Variants in KCNIP3 observed in about 807,000 individuals in gnomAD.
The protein encoded by KCNIP3 is potassium voltage-gated channel interacting protein 3, also known as calsenilin.
Under a neutral mutation model 35.0 loss-of-function variants are expected in KCNIP3, and 28 were observed. That is an observed-to-expected ratio of 0.80 (90% CI 0.59 to 1.10). The LOEUF is 1.10. KCNIP3 is among the 50% of genes least tolerant of loss of function. KCNIP3 has a pLI of 0.00. For synonymous variants in KCNIP3, 134 were observed against 133.8 expected, an observed-to-expected ratio of 1.00 and a Z score of -0.01; for missense variants, 295 against 338.4, an observed-to-expected ratio of 0.87 and a Z score of 1.01.
At chr2:95,363,066 T>A (rs1190354778) in intron 2 of KCNIP3, among the ~76,000 whole-genome samples, 1 of 152,222 alleles carries the variant, frequency 6.6e-6, no homozygotes, top group Non-Finnish European at 1.5e-5. Flanking sequence ...CTACGCTATC[T>A]TCTTCTATTC....
chr2:95,302,184 C>G (rs1349119871), intron 1 of KCNIP3, among the ~76,000 whole-genome samples: 1 of 151,718 alleles, frequency 6.6e-6, no homozygotes, highest in African/African-American at 2.4e-5. Context: ...CAGCCGTGGA[C>G]AGGGTGGGGG....
intron 2 of KCNIP3, among the ~76,000 whole-genome samples, chr2:95,362,333 C>G (rs193115373): frequency 6.6e-6 from 1 of 151,990 alleles, no homozygotes; most frequent in African/African-American, 2.4e-5. Flanking sequence ...CTCGAACTCC[C>G]GACCTCAGGT....
rs537746359 is a variant in KCNIP3, at chr2:95,369,183, T to C, written c.182-5113T>C. 3.9e-5 allele frequency among the ~76,000 whole-genome samples: 6 copies of C among 152,352 alleles called. No individual in the cohort carries two copies. In the East Asian group the frequency reaches 1.2e-3, roughly 29 times the overall value. On this transcript the variant is annotated intron_variant, in intron 2 of 8. Transcript: ENST00000295225. ...ATTTTTAATGAATGGATGTTGAATTTTGTCAAATGCTTTTTCTGCATCAAT... is the reference window on the plus strand; with the variant it reads ...ATTTTTAATGAATGGATGTTGAATTCTGTCAAATGCTTTTTCTGCATCAAT...
chr2:95,350,013 C>T (rs1267935939), intron 2 of KCNIP3, among the ~76,000 whole-genome samples: 1 of 152,164 alleles, frequency 6.6e-6, no homozygotes, highest in Non-Finnish European at 1.5e-5. Flanking sequence ...CCATAAAGCT[C>T]CTGAAATTAT....
intron 2 of KCNIP3, among the ~76,000 whole-genome samples, chr2:95,333,868 C>T (rs551766046): frequency 8.5e-5 from 13 of 152,198 alleles, no homozygotes; most frequent in Non-Finnish European, 1.8e-4. Context: ...TGCTCCCCTG[C>T]TGCTTTCTGA....
intron 2 of KCNIP3, among the ~76,000 whole-genome samples, chr2:95,347,316 C>CGCA (rs1679401315): frequency 6.6e-6 from 1 of 152,168 alleles, no homozygotes; most frequent in South Asian, 2.1e-4. Flanking sequence ...GGGACGAAGC[C>CGCA]GCAGCGCTTG....
chr2:95,349,195 A>G (rs1427677822), intron 2 of KCNIP3, among the ~76,000 whole-genome samples: 1 of 152,118 alleles, frequency 6.6e-6, no homozygotes. Flanking sequence ...TTGGCCAGGC[A>G]GTGTCTAAGG....
chr2:95,332,761 A>G (rs558211734), intron 2 of KCNIP3, among the ~76,000 whole-genome samples: 1 of 152,306 alleles, frequency 6.6e-6, no homozygotes, highest in African/African-American at 2.4e-5. Context: ...TATATTTTCA[A>G]GACAACATGG....
At chr2:95,349,921 G>C (rs568228799) in intron 2 of KCNIP3, among the ~76,000 whole-genome samples, 2 of 152,340 alleles carry the variant, frequency 1.3e-5, no homozygotes, top group South Asian at 4.1e-4. Context: ...TGTAGGGCTG[G>C]GCTGGGGGTG....
rs1677889621 is a variant in KCNIP3, at chr2:95,297,395, C to T, written c.-44C>T. Reference sequence around the variant, plus strand: ...GCCTGGGCAGTCTTGTCTGCCTCGGCTGTGAAGTGGGGAGGCTGGCAACAG... The same window carrying T: ...GCCTGGGCAGTCTTGTCTGCCTCGGTTGTGAAGTGGGGAGGCTGGCAACAG... On this transcript the variant is annotated 5_prime_UTR_variant, in exon 1 of 9. Coordinates refer to ENST00000295225, the MANE Select transcript of KCNIP3 (RefSeq NM_013434.5). 6.6e-7 allele frequency: 1 copy of T among 1,515,166 alleles called. No individual in the cohort carries two copies. The highest frequency in any genetic ancestry group is 1.4e-5 in the African/African-American group (1 of 70,910). 93.9% of individuals were successfully genotyped at this position (1,515,166 alleles called of 1,614,324 possible). A position where few individuals can be genotyped will look rare whatever the true frequency, so the allele number is the denominator to read the frequency against.
At chr2:95,334,910 C>T (rs1352911389) in intron 2 of KCNIP3, among the ~76,000 whole-genome samples, 2 of 152,156 alleles carry the variant, frequency 1.3e-5, no homozygotes, top group African/African-American at 2.4e-5. Context: ...GATTCGTTCC[C>T]CTGACCAAGG....
intron 8 of KCNIP3, 29 bp downstream of exon 8, chr2:95,383,323 T>C (rs1462581493): frequency 6.2e-7 from 1 of 1,608,442 alleles, no homozygotes. Flanking sequence ...TGGGCCACAG[T>C]TCTCTGCAGG....
chr2:95,358,062 C>T (rs1003953285), intron 2 of KCNIP3, among the ~76,000 whole-genome samples: 2 of 152,296 alleles, frequency 1.3e-5, no homozygotes, highest in African/African-American at 2.4e-5. Context: ...AACATGGCAC[C>T]TCTTTGGAGT....
intron 1 of KCNIP3, among the ~76,000 whole-genome samples, chr2:95,309,160 G>A (rs1205966400): frequency 2.6e-5 from 4 of 152,104 alleles, no homozygotes; most frequent in Admixed American, 1.3e-4. Context: ...CTGCCACCCC[G>A]AGCAGGAGAG....
chr2:95,315,322 T>A (rs576670465), intron 2 of KCNIP3, among the ~76,000 whole-genome samples: 1 of 152,280 alleles, frequency 6.6e-6, no homozygotes, highest in Admixed American at 6.5e-5. Context: ...TTTTATTGAA[T>A]CTACGGTGTT....
At chr2:95,342,535 G>A (rs1338085912) in intron 2 of KCNIP3, among the ~76,000 whole-genome samples, 3 of 152,238 alleles carry the variant, frequency 2.0e-5, no homozygotes, top group Non-Finnish European at 4.4e-5. Flanking sequence ...ACAGTTGGCG[G>A]ATTGATTGGT....
Position 95,382,484 on chromosome 2 carries a change from G to T in KCNIP3, c.660+3G>T. ...AGCACGTGGAGAGGTTCTTCGAGGT[G>T]AGCGAGCGCCAGCCCTGCCTAGGGA... On this transcript the variant is annotated splice_donor_region_variant and intron_variant, in intron 7 of 8. Transcript: ENST00000295225. The surrounding 1 kb of genome is among the most constrained non-coding windows in gnomAD (Gnocchi z 4.5). The T allele has an allele frequency of 6.3e-7, 1 of 1,597,028 alleles. No individual in the cohort carries two copies. Among genetic ancestry groups the T allele is most frequent in the South Asian group, 1.1e-5 (1 of 88,810 alleles).
At chr2:95,368,680 C>T (rs1160797099) in intron 2 of KCNIP3, 1 of 287,268 alleles carries the variant, frequency 3.5e-6, no homozygotes, top group African/African-American at 2.2e-5. Context: ...CAGTGTCTGT[C>T]ATCAGCAGTG....
At chr2:95,327,093 T>C (rs1678814092) in intron 2 of KCNIP3, among the ~76,000 whole-genome samples, 4 of 152,212 alleles carry the variant, frequency 2.6e-5, no homozygotes, top group African/African-American at 9.7e-5. Flanking sequence ...TCACTAGACC[T>C]AGACTGTGCC....
Sources: gnomAD v4.1 joint callset for allele counts (sites outside exome capture counted in the v4.1 genomes callset) on GRCh38, gnomAD v4.1.1 for gene constraint, Gnocchi (gnomAD v3.1) non-coding constraint, MANE v1.5 for transcripts, NCBI Gene and HGNC (gene_info 2026-07-23, HGNC 2026-07-21) for gene names.